The following KIAA1217 variants were observed in gnomAD, a reference collection of about 807,000 sequenced individuals.
KIAA1217 encodes the protein sickle tail protein homolog.
In KIAA1217, 88 loss-of-function variants were observed where a neutral mutation model predicts 163.9. The ratio of observed to expected loss-of-function variants is 0.54; its 90% CI spans 0.45 to 0.64. KIAA1217 has a LOEUF of 0.64. KIAA1217 is among the 30% of genes least tolerant of loss of function. The pLI is 0.00. For missense variants in KIAA1217, 2,372 were observed against 2,475.0 expected, an observed-to-expected ratio of 0.96 and a Z score of 0.88; for synonymous variants, 903 against 923.1, an observed-to-expected ratio of 0.98 and a Z score of 0.39.
At chr10:23,820,419 C>T (rs1837566070) in intron 1 of KIAA1217, among the ~76,000 whole-genome samples, 2 of 152,206 alleles carry the variant, frequency 1.3e-5, no homozygotes, top group Non-Finnish European at 2.9e-5. Context: ...TTCAACCTCT[C>T]TCTAATTAAC....
At chr10:23,915,018 T>C (rs1040919355) in intron 1 of KIAA1217, among the ~76,000 whole-genome samples, 2 of 151,290 alleles carry the variant, frequency 1.3e-5, no homozygotes, top group African/African-American at 4.9e-5. Flanking sequence ...GAAAAGAAAT[T>C]ATAGACCCGA....
intron 2 of KIAA1217, among the ~76,000 whole-genome samples, chr10:24,328,719 T>G (rs2045270458): frequency 6.6e-6 from 1 of 152,120 alleles, no homozygotes; most frequent in South Asian, 2.1e-4. Flanking sequence ...AATATAAATT[T>G]TATCTCATAC....
At chr10:24,537,790 A>C (rs2074255320) in intron 17 of KIAA1217, among the ~76,000 whole-genome samples, 1 of 152,194 alleles carries the variant, frequency 6.6e-6, no homozygotes, top group Admixed American at 6.5e-5. Flanking sequence ...TAGTGTTAAC[A>C]TACATGTGTG....
chr10:24,168,536 C>G (rs2065467054), intron 2 of KIAA1217, among the ~76,000 whole-genome samples: 1 of 152,204 alleles, frequency 6.6e-6, no homozygotes, highest in African/African-American at 2.4e-5. Flanking sequence ...CTACATGGGA[C>G]ACCTACATTT....
chr10:24,347,037 T>A (rs1427148953), intron 2 of KIAA1217, among the ~76,000 whole-genome samples: 8 of 152,180 alleles, frequency 5.3e-5, no homozygotes, highest in Non-Finnish European at 8.8e-5. Context: ...ATAAGAGTAG[T>A]CCAAATAAAT....
At chr10:24,510,486 C>T (rs569248218) in intron 9 of KIAA1217, among the ~76,000 whole-genome samples, 7 of 152,184 alleles carry the variant, frequency 4.6e-5, no homozygotes, top group South Asian at 2.1e-4. Flanking sequence ...GGTGGCAAAT[C>T]GAATCATATG....
At chr10:24,502,123 C>T (rs999357254) in intron 9 of KIAA1217, among the ~76,000 whole-genome samples, 81 of 151,484 alleles carry the variant, frequency 5.3e-4, no homozygotes, top group Admixed American at 5.2e-3. Flanking sequence ...GGAGAAGAGC[C>T]GAAAGGAGAG....
intron 1 of KIAA1217, among the ~76,000 whole-genome samples, chr10:23,938,151 G>T (rs963219870): frequency 6.6e-6 from 1 of 152,156 alleles, no homozygotes; most frequent in African/African-American, 2.4e-5. Flanking sequence ...CCACTCAAAA[G>T]GTCACGCAGA....
chr10:24,205,176 C>G (rs2067475910), upstream of KIAA1217, among the ~76,000 whole-genome samples: 1 of 152,066 alleles, frequency 6.6e-6, no homozygotes, highest in East Asian at 1.9e-4. Context: ...ATAGGCCAGG[C>G]ACAGTGGCTC....
At chr10:24,122,237 A>G (rs2063310315) in intron 2 of KIAA1217, among the ~76,000 whole-genome samples, 1 of 151,848 alleles carries the variant, frequency 6.6e-6, no homozygotes, top group Non-Finnish European at 1.5e-5. Flanking sequence ...TACAAGTGAG[A>G]ACATGTAATA....
intron 2 of KIAA1217, chr10:24,158,310 A>C: frequency 1.4e-6 from 1 of 693,748 alleles, no homozygotes; most frequent in Non-Finnish European, 2.8e-6. Context: ...TTTATACTCA[A>C]GGAGATTCTT....
intron 1 of KIAA1217, among the ~76,000 whole-genome samples, chr10:23,849,453 A>G (rs1839198316): frequency 6.6e-6 from 1 of 152,006 alleles, no homozygotes; most frequent in East Asian, 1.9e-4. Context: ...GTGGCTCTAA[A>G]ATCACCTGGA....
At chr10:23,880,321 T>C (rs1840893549) in intron 1 of KIAA1217, among the ~76,000 whole-genome samples, 1 of 151,906 alleles carries the variant, frequency 6.6e-6, no homozygotes, top group African/African-American at 2.4e-5. Context: ...ACTGGAGGTC[T>C]TTATGTTAAG....
intron 11 of KIAA1217, among the ~76,000 whole-genome samples, chr10:24,520,675 T>TATATATATAC (rs1411092462): frequency 3.9e-5 from 3 of 77,494 alleles, no homozygotes; most frequent in African/African-American, 1.1e-4. Flanking sequence ...TATATATATA[T>TATATATATAC]ACACACACAC....
At chr10:24,048,805 G>C (rs1356689547) in intron 2 of KIAA1217, among the ~76,000 whole-genome samples, 1 of 151,774 alleles carries the variant, frequency 6.6e-6, no homozygotes, top group Non-Finnish European at 1.5e-5. Context: ...GGCCGAGGCG[G>C]GTGGATCACG....
At position 24,510,004 on chromosome 10, in the gene KIAA1217, G is replaced by A. The variant is rs1236616514; in HGVS notation, c.2002-3255G>A. On this transcript the variant is annotated intron_variant, in intron 9 of 20. Coordinates refer to ENST00000376454, the MANE Select transcript of KIAA1217 (RefSeq NM_019590.5). ...GAAGAGGAAGGAAATCTACATATAA[G>A]TGGACCCATGCATGCAGTTCTAACC... Among the ~76,000 whole-genome samples, 3 of 152,092 alleles carry A rather than the reference G, an allele frequency of 2.0e-5. No individual in the cohort carries two copies. In the East Asian group the frequency reaches 5.8e-4, roughly 29 times the overall value.
At chr10:24,105,577 C>A (rs999484618) in intron 2 of KIAA1217, among the ~76,000 whole-genome samples, 1 of 152,180 alleles carries the variant, frequency 6.6e-6, no homozygotes, top group African/African-American at 2.4e-5. Context: ...TCTTTTTATT[C>A]CTGGTCCACT....
chr10:24,296,803 C>G lies in KIAA1217; in HGVS notation c.354+76894C>G, dbSNP rs141535845. On this transcript the variant is annotated intron_variant, in intron 2 of 20. Transcript: ENST00000376454. ...CGAAGAAGGATAGAGAGAAAGCTTG[C>G]TAATTGGGGCTAAATACAGATTATG... 6.0e-3 allele frequency among the ~76,000 whole-genome samples: 912 copies of G among 152,268 alleles called. 13 individuals carry two copies. Among genetic ancestry groups the G allele is most frequent in the African/African-American group, 0.02 (828 of 41,540 alleles).
chr10:24,263,163 G>A (rs2075885974), intron 2 of KIAA1217, among the ~76,000 whole-genome samples: 1 of 152,152 alleles, frequency 6.6e-6, no homozygotes, highest in South Asian at 2.1e-4. Context: ...TGCCTGCAGG[G>A]CTTCATGCGC....
Sources: gnomAD v4.1 joint callset for allele counts (sites outside exome capture counted in the v4.1 genomes callset) on GRCh38, gnomAD v4.1.1 for gene constraint, MANE v1.5 for transcripts, NCBI Gene and HGNC (gene_info 2026-07-23, HGNC 2026-07-21) for gene names.